The following EEIG1 variants were observed in gnomAD, a reference collection of about 807,000 sequenced individuals.
The protein encoded by EEIG1 is estrogen-induced osteoclastogenesis regulator 1.
chr9:127,975,229 T>C, the EEIG1 span, among the ~76,000 whole-genome samples: 22 of 152,200 alleles, frequency 1.4e-4, no homozygotes, highest in African/African-American at 4.8e-4. Context: ...GCCAAGGCCT[T>C]CTTCATACTA....
the EEIG1 span, chr9:127,944,583 G>T: frequency 5.6e-6 from 7 of 1,259,844 alleles, no homozygotes; most frequent in East Asian, 2.4e-5. Context: ...AGCCCCAGCC[G>T]CCCCGACGAC....
chr9:127,955,668 G>A, the EEIG1 span, among the ~76,000 whole-genome samples: 4 of 152,246 alleles, frequency 2.6e-5, no homozygotes, highest in African/African-American at 9.6e-5. Flanking sequence ...ATGAGCCTGG[G>A]GAGTAGCCAG....
the EEIG1 span, among the ~76,000 whole-genome samples, chr9:127,966,171 C>T: frequency 6.6e-6 from 1 of 152,164 alleles, no homozygotes; most frequent in African/African-American, 2.4e-5. Flanking sequence ...AGGGCATGGG[C>T]ACAGGGTGGA....
At chr9:127,948,211 G>A in the EEIG1 span, 1 of 1,613,842 alleles carries the variant, frequency 6.2e-7, no homozygotes, top group South Asian at 1.1e-5. Context: ...GATGGACTTG[G>A]CAGTCGATGG....
At chr9:127,946,017 C>T in the EEIG1 span, among the ~76,000 whole-genome samples, 2 of 152,248 alleles carry the variant, frequency 1.3e-5, no homozygotes, top group African/African-American at 2.4e-5. Flanking sequence ...AAAACTGCCT[C>T]CACTACCCAC....
At chr9:127,963,356 A>G in the EEIG1 span, among the ~76,000 whole-genome samples, 3 of 152,200 alleles carry the variant, frequency 2.0e-5, no homozygotes, top group Non-Finnish European at 4.4e-5. Flanking sequence ...CTGGGAAGAG[A>G]CAGTGATGAA....
chr9:127,952,754 C>G, the EEIG1 span, among the ~76,000 whole-genome samples: 1 of 152,078 alleles, frequency 6.6e-6, no homozygotes, highest in Admixed American at 6.5e-5. Flanking sequence ...GCTCTGTCAC[C>G]CAGGCTGGAG....
At chr9:127,941,002 ACT>A in the EEIG1 span, 4 of 152,178 alleles carry the variant, frequency 2.6e-5, no homozygotes, top group East Asian at 7.7e-4. Context: ...ATACTCTCCA[ACT>A]CTCTCAATAT....
chr9:127,961,761 C>T, the EEIG1 span, among the ~76,000 whole-genome samples: 1 of 152,328 alleles, frequency 6.6e-6, no homozygotes, highest in Middle Eastern at 3.4e-3. Flanking sequence ...AAGACTGAAG[C>T]GAGTGGCCAC....
At chr9:127,949,022 G>T in the EEIG1 span, among the ~76,000 whole-genome samples, 11 of 152,182 alleles carry the variant, frequency 7.2e-5, no homozygotes, top group Admixed American at 3.3e-4. Context: ...TGACCACTCC[G>T]TTGAGGCTTT....
At chr9:127,945,208 T>C in the EEIG1 span, among the ~76,000 whole-genome samples, 4 of 152,126 alleles carry the variant, frequency 2.6e-5, no homozygotes. This position sits in a 1 kb window ranked among gnomAD's most constrained non-coding sequence, Gnocchi z 6.5. Flanking sequence ...ACGCCGGGCA[T>C]GGCTGCACCC....
chr9:127,951,631 C>T, the EEIG1 span, among the ~76,000 whole-genome samples: 9 of 151,982 alleles, frequency 5.9e-5, no homozygotes, highest in East Asian at 5.8e-4. Flanking sequence ...CTGGCGAACA[C>T]GGTGAAACCC....
the EEIG1 span, chr9:127,943,937 C>CTGGGGA: frequency 7.0e-3 from 1,072 of 153,934 alleles, 29 homozygotes; most frequent in Non-Finnish European, 6.1e-3. Flanking sequence ...CGCCTCTTCC[C>CTGGGGA]TGGGGATGTG....
At chr9:127,945,329 G>A in the EEIG1 span, 1 of 1,477,556 alleles carries the variant, frequency 6.8e-7, no homozygotes, top group East Asian at 2.4e-5. The surrounding 1 kb of genome is among the most constrained non-coding windows in gnomAD (Gnocchi z 6.5). Flanking sequence ...CACCGGGAGA[G>A]GTCTGTTCTC....
At chr9:127,966,916 C>T in the EEIG1 span, among the ~76,000 whole-genome samples, 1 of 152,218 alleles carries the variant, frequency 6.6e-6, no homozygotes, top group Admixed American at 6.5e-5. Context: ...GAACCCACCC[C>T]CACTTCCTGA....
the EEIG1 span, among the ~76,000 whole-genome samples, chr9:127,970,183 C>T: frequency 6.6e-6 from 1 of 152,146 alleles, no homozygotes; most frequent in African/African-American, 2.4e-5. Context: ...GCGCGATCTC[C>T]GCACGCTGCA....
At chr9:127,974,720 G>A in the EEIG1 span, among the ~76,000 whole-genome samples, 7 of 152,168 alleles carry the variant, frequency 4.6e-5, no homozygotes, top group South Asian at 2.1e-4. Flanking sequence ...AAGCTTTCAC[G>A]ATGCCCACCA....
the EEIG1 span, chr9:127,947,965 C>T: frequency 7.6e-7 from 1 of 1,310,200 alleles, no homozygotes. Flanking sequence ...ACCCTCCCAC[C>T]ATCACTCTCC....
At chr9:127,945,581 G>A in the EEIG1 span, 37 of 1,563,238 alleles carry the variant, frequency 2.4e-5, no homozygotes, top group African/African-American at 4.8e-4. This position sits in a 1 kb window ranked among gnomAD's most constrained non-coding sequence, Gnocchi z 6.5. Context: ...GGCGACGCAG[G>A]GGAGCATCAC....
Sources: allele counts gnomAD v4.1 joint callset (sites outside exome capture counted in the v4.1 genomes callset), GRCh38; gene constraint gnomAD v4.1.1; non-coding constraint Gnocchi (gnomAD v3.1); transcripts MANE v1.5; gene names NCBI Gene and HGNC (gene_info 2026-07-23, HGNC 2026-07-21).